The following DNAH12 variants were observed in gnomAD, a reference collection of about 807,000 sequenced individuals.
DNAH12 encodes the protein axonemal beta dynein heavy chain 12.
Under a neutral mutation model 371.5 loss-of-function variants are expected in DNAH12, and 285 were observed. The observed-to-expected ratio is 0.77, with a 90% confidence interval of 0.70 to 0.85. DNAH12 has a LOEUF of 0.85. Ranked by LOEUF, DNAH12 falls within the 40% of genes least tolerant of loss-of-function variation. The pLI, the probability that DNAH12 is intolerant of heterozygous loss-of-function variation, is 0.00. For synonymous variants in DNAH12, 1,200 were observed against 1,213.0 expected, an observed-to-expected ratio of 0.99 and a Z score of 0.22; for missense variants, 3,611 against 3,689.4, an observed-to-expected ratio of 0.98 and a Z score of 0.55.
rs1240986312 is a variant in DNAH12, at chr3:57,380,299, T to G, written c.8061A>C (p.Glu2687Asp). The G allele has an allele frequency of 6.6e-6, 1 of 152,186 alleles. No individual in the cohort carries two copies. Among genetic ancestry groups the G allele is most frequent in the African/African-American group, 2.4e-5 (1 of 41,454 alleles). The allele number at this position is 152,186 out of a possible 1,614,324, so 9.4% of individuals were successfully genotyped here. A position where few individuals can be genotyped will look rare whatever the true frequency, so the allele number is the denominator to read the frequency against. ...GDMNFLRDLK[E>D]YDKDNIPVTV... ...TCACTGGAATGTTGTCCTTGTCATA[T>G]TCTTTCAAATCTCTTAAGAAATTCA... Residue 2687 changes from glutamate to aspartate, a missense_variant, in exon 51 of 74, where the codon GAA becomes GAC. By Grantham distance (45) the Glu-to-Asp change is conservative (BLOSUM62 2). Coordinates refer to ENST00000495027, the MANE Select transcript of DNAH12 (RefSeq NM_001366028.2).
chr3:57,533,688 GT>G (rs1467426881), intron 2 of DNAH12, among the ~76,000 whole-genome samples: 1 of 152,186 alleles, frequency 6.6e-6, no homozygotes, highest in African/African-American at 2.4e-5. Context: ...ACTCTGCCTG[GT>G]GCCCTATCCT....
intron 69 of DNAH12, among the ~76,000 whole-genome samples, chr3:57,306,838 A>G (rs2061482356): frequency 6.6e-6 from 1 of 152,042 alleles, no homozygotes; most frequent in Non-Finnish European, 1.5e-5. Context: ...TTATCAACCA[A>G]ATTGTTTTGC....
intron 60 of DNAH12, among the ~76,000 whole-genome samples, chr3:57,345,795 G>A (rs1171019722): frequency 6.6e-6 from 1 of 152,018 alleles, no homozygotes; most frequent in Non-Finnish European, 1.5e-5. Context: ...CATATTTTAT[G>A]GTAGTAAATG....
chr3:57,345,175 G>A (rs1045470535), intron 60 of DNAH12, among the ~76,000 whole-genome samples: 13 of 152,108 alleles, frequency 8.5e-5, no homozygotes, highest in African/African-American at 3.1e-4. Flanking sequence ...TACATAATCT[G>A]TTTACAAGAT....
At chr3:57,448,881 T>A (rs55961847) in intron 25 of DNAH12, among the ~76,000 whole-genome samples, 13,721 of 146,526 alleles carry the variant, frequency 0.094, no homozygotes, top group South Asian at 0.13. Context: ...AAACACAGGG[T>A]GCTGATTGGT....
chr3:57,468,752 T>A lies in DNAH12; in HGVS notation c.2333A>T (p.Gln778Leu). ...TATTTATACCTTAAAAGCTTTTATC[T>A]GTTCCATGACTGTACTGCACATAGT... The part of the protein sequence containing the change: ...TITMCSTVME[Q>L]IKAFKEYIPT... Residue 778 changes from glutamine (Q) to leucine (L), a missense_variant, in exon 17 of 74, where the codon CAG becomes CTG. Physicochemically the swap from Gln to Leu is moderately radical, Grantham distance 113. Transcript: ENST00000495027. The A allele has an allele frequency of 6.9e-7, 1 of 1,444,710 alleles. No individual in the cohort carries two copies. The highest frequency in any genetic ancestry group is 9.1e-7 in the Non-Finnish European group (1 of 1,104,620). The allele number at this position is 1,444,710 out of a possible 1,614,324, so 89.5% of individuals were successfully genotyped here.
At position 57,323,009 on chromosome 3, in the gene DNAH12, T is replaced by C; in HGVS notation, c.10381A>G (p.Lys3461Glu). 1.3e-6 allele frequency: 2 copies of C among 1,551,814 alleles called. No homozygotes were observed. Among genetic ancestry groups the C allele is most frequent in the Non-Finnish European group, 1.7e-6 (2 of 1,147,012 alleles). The change falls in exon 64 of 74, where the codon AAA becomes GAA. Residue 3461 changes from lysine to glutamate, a missense_variant and splice_region_variant. This residue lies in a region of DNAH12 where 2,266 missense variants were observed against 2,236.9 expected (regional missense o/e 1.01). Transcript: ENST00000495027. ...RLWLTSYPSS[K>E]FPVTILQNGV... ...ACTCTATAAGGAAATAAACATACTT[T>C]TGAAGATGGATAGCTTGTCAGCCAA... is the stretch of plus-strand genomic sequence containing the variant.
intron 32 of DNAH12, among the ~76,000 whole-genome samples, chr3:57,431,519 C>T (rs1369022369): frequency 6.6e-6 from 1 of 152,216 alleles, no homozygotes; most frequent in Non-Finnish European, 1.5e-5. Flanking sequence ...TTCATTGTCT[C>T]CTACTACACT....
At chr3:57,406,740 T>G (rs75621762) in intron 40 of DNAH12, among the ~76,000 whole-genome samples, 134 of 152,302 alleles carry the variant, frequency 8.8e-4, no homozygotes, top group African/African-American at 3.1e-3. Flanking sequence ...CCCTTCTATC[T>G]CTTATTCCCT....
intron 60 of DNAH12, among the ~76,000 whole-genome samples, chr3:57,348,065 T>C (rs944113999): frequency 1.3e-5 from 2 of 152,164 alleles, no homozygotes; most frequent in Non-Finnish European, 1.5e-5. Flanking sequence ...AACTTACACA[T>C]GAATGTTTGT....
At chr3:57,429,975 G>A (rs528196130) in intron 32 of DNAH12, among the ~76,000 whole-genome samples, 1 of 152,052 alleles carries the variant, frequency 6.6e-6, no homozygotes, top group Admixed American at 6.5e-5. Flanking sequence ...CCGAGTCTCA[G>A]TCTCTTCATC....
At chr3:57,351,313 C>T (rs963807730) in intron 60 of DNAH12, among the ~76,000 whole-genome samples, 1 of 152,010 alleles carries the variant, frequency 6.6e-6, no homozygotes, top group African/African-American at 2.4e-5. Flanking sequence ...AAAAATAAAA[C>T]GTTGGTGGGG....
At chr3:57,484,521 C>A (rs1197983822) in intron 12 of DNAH12, among the ~76,000 whole-genome samples, 1 of 152,036 alleles carries the variant, frequency 6.6e-6, no homozygotes, top group Admixed American at 6.6e-5. Context: ...CATCTCTCAC[C>A]TTATACAAAA....
chr3:57,485,561 C>G (rs1281623546), intron 12 of DNAH12, among the ~76,000 whole-genome samples: 2 of 148,560 alleles, frequency 1.3e-5, no homozygotes, highest in East Asian at 4.0e-4. Flanking sequence ...GCCACCACGT[C>G]TGGCTAATTT....
intron 65 of DNAH12, among the ~76,000 whole-genome samples, chr3:57,320,298 T>C (rs1222070679): frequency 5.9e-5 from 9 of 152,218 alleles, no homozygotes; most frequent in Non-Finnish European, 1.5e-5. Flanking sequence ...CCTATAAGAA[T>C]GTCTTGCACC....
intron 56 of DNAH12, among the ~76,000 whole-genome samples, chr3:57,367,757 G>T (rs1326476253): frequency 6.6e-6 from 1 of 152,076 alleles, no homozygotes; most frequent in Non-Finnish European, 1.5e-5. Context: ...TGGTGGTCAA[G>T]GGTCACAGGA....
intron 39 of DNAH12, among the ~76,000 whole-genome samples, chr3:57,412,513 T>A (rs2064238933): frequency 6.6e-6 from 1 of 152,138 alleles, no homozygotes; most frequent in Admixed American, 6.6e-5. Flanking sequence ...CAGGCCTGAC[T>A]TGGAGAAAAT....
intron 66 of DNAH12, among the ~76,000 whole-genome samples, chr3:57,312,390 T>C (rs919335828): frequency 6.6e-6 from 1 of 152,178 alleles, no homozygotes; most frequent in Admixed American, 6.5e-5. Context: ...TTCACGAGAA[T>C]GTAATGTTAA....
chr3:57,542,584 TG>T (rs2069337408), intron 2 of DNAH12, 116 bp downstream of exon 2: 4 of 1,162,878 alleles, frequency 3.4e-6, no homozygotes, highest in Non-Finnish European at 4.7e-6. Flanking sequence ...CTAATTAACT[TG>T]AAAATAGTAT....
Sources: gnomAD v4.1 joint callset for allele counts (sites outside exome capture counted in the v4.1 genomes callset) on GRCh38, gnomAD v4.1.1 for gene constraint, gnomAD v4.1.1 regional missense constraint, MANE v1.5 for transcripts, NCBI Gene and HGNC (gene_info 2026-07-23, HGNC 2026-07-21) for gene names.